The following CCSER1 variants were observed in gnomAD, a reference collection of about 807,000 sequenced individuals.
CCSER1 encodes serine-rich coiled-coil domain-containing protein 1.
In CCSER1, 41 loss-of-function variants were observed where a neutral mutation model predicts 82.0. That is an observed-to-expected ratio of 0.50 (90% confidence interval 0.39 to 0.65). CCSER1 has a LOEUF of 0.65. CCSER1 is among the 30% of genes least tolerant of loss of function. The pLI is 0.00. For missense variants in CCSER1, 1,119 were observed against 1,064.2 expected (o/e 1.05, Z -0.72); for synonymous variants, 414 against 383.9 (o/e 1.08, Z -0.92).
intron 10 of CCSER1, among the ~76,000 whole-genome samples, chr4:91,136,610 TG>T (rs1728491956): frequency 6.6e-6 from 1 of 152,180 alleles, no homozygotes; most frequent in Non-Finnish European, 1.5e-5. Flanking sequence ...CCGAATGTAA[TG>T]GATATCTTAT....
chr4:90,271,826 T>TTATATATATATATATATATATATATATA (rs1189309598), intron 1 of CCSER1, among the ~76,000 whole-genome samples: 1 of 42,880 alleles, frequency 2.3e-5, no homozygotes, highest in Non-Finnish European at 4.2e-5. Context: ...ACTGGACAAT[T>TTATATATATATATATATATATATATATA]TATATATATA....
At chr4:90,197,584 G>T (rs72876158) in intron 1 of CCSER1, among the ~76,000 whole-genome samples, 7,447 of 152,146 alleles carry the variant, frequency 0.049, 438 homozygotes, top group East Asian at 0.25. Flanking sequence ...ATACACTGTG[G>T]AGTACTATTC....
At chr4:90,848,367 T>C (rs1165719408) in intron 8 of CCSER1, among the ~76,000 whole-genome samples, 1 of 152,170 alleles carries the variant, frequency 6.6e-6, no homozygotes, top group East Asian at 1.9e-4. Flanking sequence ...AAGATATAAG[T>C]GGCAATAGCA....
At chr4:91,146,558 T>C (rs976759948) in intron 10 of CCSER1, among the ~76,000 whole-genome samples, 1 of 132,814 alleles carries the variant, frequency 7.5e-6, no homozygotes, top group African/African-American at 2.8e-5. Context: ...CAGTGTTTCT[T>C]TGTTTCTTTC....
At chr4:91,132,243 GAT>G (rs1728060958) in intron 10 of CCSER1, among the ~76,000 whole-genome samples, 3 of 152,130 alleles carry the variant, frequency 2.0e-5, no homozygotes, top group African/African-American at 2.4e-5. Flanking sequence ...CTATAAATAA[GAT>G]AGAGTTCAAG....
chr4:91,330,688 C>T (rs6532299), intron 10 of CCSER1, among the ~76,000 whole-genome samples: 101,015 of 151,904 alleles, frequency 0.66, 33,723 homozygotes, highest in East Asian at 0.81. Flanking sequence ...GACCAATTGC[C>T]CTGGAGAAGT....
At chr4:91,369,965 C>T (rs1214418590) in intron 10 of CCSER1, among the ~76,000 whole-genome samples, 1 of 151,998 alleles carries the variant, frequency 6.6e-6, no homozygotes, top group South Asian at 2.1e-4. Flanking sequence ...TAGGCATGAG[C>T]CACTGTGCCC....
At chr4:91,289,153 C>A (rs1743558899) in intron 10 of CCSER1, among the ~76,000 whole-genome samples, 1 of 151,866 alleles carries the variant, frequency 6.6e-6, no homozygotes, top group Non-Finnish European at 1.5e-5. Flanking sequence ...TGGGGGTAAC[C>A]ATAGCAACAA....
intron 5 of CCSER1, among the ~76,000 whole-genome samples, chr4:90,513,272 G>A (rs975604964): frequency 1.3e-5 from 2 of 152,092 alleles, no homozygotes; most frequent in Admixed American, 6.6e-5. Flanking sequence ...TGAATAAAGC[G>A]GTATGGTGAT....
Position 90,461,226 on chromosome 4 carries a change from C to T in CCSER1, c.1604-7008C>T, listed in dbSNP as rs575156204. On this transcript the variant is annotated intron_variant, in intron 4 of 10. Transcript: ENST00000509176. ...GACTACAGGCGCCCGCCACTACGCC[C>T]GGCTAATTTTTTGTATTTTTAGTAG... Among the ~76,000 whole-genome samples the T allele has an allele frequency of 4.1e-4, 57 of 139,388 alleles. 3 individuals are homozygous for T. Among genetic ancestry groups the T allele is most frequent in the South Asian group, 3.4e-3 (15 of 4,474 alleles). The allele number at this position is 139,388 out of a possible 152,430, so 91.4% of individuals were successfully genotyped here.
At chr4:90,614,961 T>C (rs182332668) in intron 5 of CCSER1, among the ~76,000 whole-genome samples, 98 of 152,318 alleles carry the variant, frequency 6.4e-4, no homozygotes, top group African/African-American at 2.2e-3. Flanking sequence ...ACTCTCTTGA[T>C]AGGGACTAAA....
At chr4:91,305,514 T>A (rs879345314) in intron 10 of CCSER1, among the ~76,000 whole-genome samples, 2 of 152,086 alleles carry the variant, frequency 1.3e-5, no homozygotes, top group Non-Finnish European at 2.9e-5. Flanking sequence ...TAAAATGTAA[T>A]CAATATTTTG....
chr4:90,583,163 G>A (rs1781604269), intron 5 of CCSER1, among the ~76,000 whole-genome samples: 1 of 151,996 alleles, frequency 6.6e-6, no homozygotes, highest in South Asian at 2.1e-4. Context: ...TTAAAAATTT[G>A]TGGATATGTT....
rs527509958 is a variant in CCSER1, at chr4:90,506,501, G to A, written c.1724+38147G>A. Among the ~76,000 whole-genome samples, 30 of 152,118 alleles carry A rather than the reference G, an allele frequency of 2.0e-4. 1 individual carries two copies. In the Middle Eastern group the frequency reaches 0.014, roughly 69 times the overall value. ...CTTTAGGCCGGGCATGGTGGCTCAC[G>A]CCTGTAATCCTAGTGCTTTGAGAGG... On this transcript the variant is annotated intron_variant, in intron 5 of 10. Transcript: ENST00000509176.
At chr4:91,187,444 C>T (rs1734650934) in intron 10 of CCSER1, among the ~76,000 whole-genome samples, 1 of 151,864 alleles carries the variant, frequency 6.6e-6, no homozygotes, top group Non-Finnish European at 1.5e-5. Flanking sequence ...TAAATAAAAA[C>T]AAAGTATGAA....
chr4:90,165,544 T>C (rs964241976), intron 1 of CCSER1, among the ~76,000 whole-genome samples: 2 of 152,060 alleles, frequency 1.3e-5, no homozygotes, highest in African/African-American at 2.4e-5. Context: ...GTTACTCTTA[T>C]TGGGCAGTGT....
chr4:90,648,726 T>C (rs1165310416), intron 6 of CCSER1, among the ~76,000 whole-genome samples: 3 of 152,216 alleles, frequency 2.0e-5, no homozygotes, highest in African/African-American at 7.2e-5. Context: ...GATCTTGGAC[T>C]TCTAGCTCCA....
intron 5 of CCSER1, among the ~76,000 whole-genome samples, chr4:90,616,557 C>G (rs79429760): frequency 2.6e-5 from 4 of 151,574 alleles, no homozygotes; most frequent in Non-Finnish European, 5.9e-5. Context: ...TGGTAGCACA[C>G]GCCTCTAATC....
chr4:90,544,483 C>G (rs1212717604), intron 5 of CCSER1, among the ~76,000 whole-genome samples: 1 of 152,126 alleles, frequency 6.6e-6, no homozygotes, highest in Non-Finnish European at 1.5e-5. Flanking sequence ...ACGGACAACA[C>G]TGATTTTCTC....
Sources: allele counts gnomAD v4.1 joint callset (sites outside exome capture counted in the v4.1 genomes callset), GRCh38; gene constraint gnomAD v4.1.1; transcripts MANE v1.5; gene names NCBI Gene and HGNC (gene_info 2026-07-23, HGNC 2026-07-21).